The following PTPRD variants were observed in gnomAD, a reference collection of about 807,000 sequenced individuals.
PTPRD encodes the protein protein tyrosine phosphatase receptor type D, also known as receptor-type tyrosine-protein phosphatase delta.
Under a neutral mutation model 214.5 loss-of-function variants are expected in PTPRD, and 34 were observed. The ratio of observed to expected loss-of-function variants is 0.16; its 90% CI spans 0.12 to 0.21. The LOEUF is 0.21. Ranked by LOEUF, PTPRD falls within the 10% of genes least tolerant of loss-of-function variation. PTPRD has a pLI of 1.00. For synonymous variants in PTPRD, 1,128 were observed against 845.7 expected, an observed-to-expected ratio of 1.33 and a Z score of -5.79; for missense variants, 2,545 against 2,398.7, an observed-to-expected ratio of 1.06 and a Z score of -1.27.
intron 5 of PTPRD, among the ~76,000 whole-genome samples, chr9:9,814,333 G>C (rs1479447558): frequency 6.8e-6 from 1 of 147,398 alleles, no homozygotes; most frequent in East Asian, 2.0e-4. Flanking sequence ...ATCCAAATCA[G>C]AAAGGAGGAA....
chr9:10,071,312 T>C (rs2098009939), intron 3 of PTPRD, among the ~76,000 whole-genome samples: 1 of 152,018 alleles, frequency 6.6e-6, no homozygotes, highest in Non-Finnish European at 1.5e-5. Flanking sequence ...GCATAGGATA[T>C]CCAGAACAAT....
chr9:10,119,674 T>C (rs374568504), intron 3 of PTPRD, among the ~76,000 whole-genome samples: 3 of 151,886 alleles, frequency 2.0e-5, no homozygotes, highest in East Asian at 3.8e-4. Context: ...ATGGAAATAA[T>C]AAAATAATTT....
chr9:8,465,762 C>G, intron 31 of PTPRD, 87 bp from the exon 32 acceptor site: 1 of 1,147,518 alleles, frequency 8.7e-7, no homozygotes. Context: ...TAATTCAGAA[C>G]TGGGAACAAC....
chr9:9,701,996 G>C (rs1359369158), intron 7 of PTPRD, among the ~76,000 whole-genome samples: 1 of 152,008 alleles, frequency 6.6e-6, no homozygotes, highest in Non-Finnish European at 1.5e-5. Context: ...GTGCATGCCT[G>C]TATTCCCCAC....
intron 11 of PTPRD, among the ~76,000 whole-genome samples, chr9:8,808,788 T>C (rs868723505): frequency 6.6e-6 from 1 of 152,182 alleles, no homozygotes; most frequent in Non-Finnish European, 1.5e-5. Flanking sequence ...TAGTTCTTCC[T>C]AGGACCCAGA....
chr9:8,790,542 C>A (rs558179574), intron 11 of PTPRD, among the ~76,000 whole-genome samples: 63 of 151,642 alleles, frequency 4.2e-4, no homozygotes, highest in African/African-American at 1.4e-3. Context: ...CTCAGCCTCC[C>A]GAGTAGCTGG....
At chr9:10,586,865 T>C (rs980695830) in intron 2 of PTPRD, among the ~76,000 whole-genome samples, 3 of 151,978 alleles carry the variant, frequency 2.0e-5, no homozygotes, top group Non-Finnish European at 4.4e-5. Flanking sequence ...ATTTTGTAGA[T>C]TTTCCTTTGT....
chr9:8,556,053 T>A (rs1023842654), intron 14 of PTPRD, among the ~76,000 whole-genome samples: 3 of 152,212 alleles, frequency 2.0e-5, no homozygotes, highest in African/African-American at 7.2e-5. Context: ...TGGGAAAACA[T>A]CTGGGCTGTT....
In PTPRD at chr9:9,058,179, T is replaced by C. The variant is rs898573457; in HGVS notation, c.-142-39444A>G. ...AGAATATAAAGAGGGAATTAGGGCT[T>C]GTACTTACGACTAGGTTTTTTAGCA... On this transcript the variant is annotated intron_variant, in intron 10 of 45. Transcript: ENST00000381196. Among the ~76,000 whole-genome samples, 13 of 152,140 alleles carry C rather than the reference T, an allele frequency of 8.5e-5. 1 individual carries two copies. Among genetic ancestry groups the C allele is most frequent in the Non-Finnish European group, 2.9e-5 (2 of 68,030 alleles).
chr9:8,555,685 G>C, intron 14 of PTPRD, among the ~76,000 whole-genome samples: 1 of 152,172 alleles, frequency 6.6e-6, no homozygotes, highest in East Asian at 1.9e-4. Context: ...AACTTAGAAT[G>C]CAGTTTCCTA....
chr9:9,496,787 G>C (rs2096211690), intron 8 of PTPRD, among the ~76,000 whole-genome samples: 1 of 152,170 alleles, frequency 6.6e-6, no homozygotes, highest in African/African-American at 2.4e-5. Flanking sequence ...GGGTCTTGAA[G>C]AGACATTTAT....
chr9:9,583,820 C>G (rs1393538870), intron 7 of PTPRD, among the ~76,000 whole-genome samples: 1 of 152,010 alleles, frequency 6.6e-6, no homozygotes, highest in African/African-American at 2.4e-5. Context: ...TTATGACTAG[C>G]GGGTCCTTAT....
Position 8,486,238 on chromosome 9 carries a change from A to G in PTPRD, c.2579T>C (p.Phe860Ser), listed in dbSNP as rs756125530. The G allele has an allele frequency of 6.2e-7, 1 of 1,614,178 alleles. No individual in the cohort carries two copies. The highest frequency in any genetic ancestry group is 8.5e-7 in the Non-Finnish European group (1 of 1,180,012). ...FGPLQGYRLK[F>S]GRKDMEPLTT... ...AAGTGGCTCCATATCCTTGCGGCCA[A>G]ATTTTAGACGGTAGCCCTGAAGAGG... The change falls in exon 28 of 46, where the codon TTT becomes TCT. Residue 860 changes from phenylalanine (F) to serine (S), a missense_variant. Coordinates refer to ENST00000381196, the MANE Select transcript of PTPRD (RefSeq NM_002839.4).
At chr9:10,375,467 C>T (rs551583492) in intron 2 of PTPRD, among the ~76,000 whole-genome samples, 2 of 152,048 alleles carry the variant, frequency 1.3e-5, no homozygotes, top group South Asian at 4.1e-4. Flanking sequence ...CTCTTTATAG[C>T]AAGTGAGGAG....
chr9:10,361,834 C>A (rs759912806), intron 2 of PTPRD, among the ~76,000 whole-genome samples: 1 of 152,118 alleles, frequency 6.6e-6, no homozygotes, highest in East Asian at 1.9e-4. Flanking sequence ...TACCAATAAA[C>A]TATACTGAGG....
At chr9:9,727,368 T>G (rs2098114127) in intron 7 of PTPRD, among the ~76,000 whole-genome samples, 1 of 152,120 alleles carries the variant, frequency 6.6e-6, no homozygotes, top group Non-Finnish European at 1.5e-5. Context: ...GAGGATCACC[T>G]GAGCCTAGGA....
At chr9:9,793,849 TAA>T (rs1292630275) in intron 5 of PTPRD, among the ~76,000 whole-genome samples, 1 of 152,066 alleles carries the variant, frequency 6.6e-6, no homozygotes, top group East Asian at 1.9e-4. Context: ...ATATTAAAAT[TAA>T]AAAGTTTTGA....
At chr9:8,892,591 ATGTGTATATATATG>A (rs2098549626) in intron 11 of PTPRD, among the ~76,000 whole-genome samples, 1 of 140,188 alleles carries the variant, frequency 7.1e-6, no homozygotes, top group African/African-American at 2.5e-5. Flanking sequence ...GTGTATATAT[ATGTGTATATATATG>A]TGTGTATATA....
chr9:8,842,010 C>CA (rs35878855), intron 11 of PTPRD, among the ~76,000 whole-genome samples: 64,015 of 146,728 alleles, frequency 0.44, 14,930 homozygotes, highest in South Asian at 0.67. Flanking sequence ...GACACAGTCT[C>CA]AAAAAAAAAA....
Sources: allele counts gnomAD v4.1 joint callset (sites outside exome capture counted in the v4.1 genomes callset), GRCh38; gene constraint gnomAD v4.1.1; transcripts MANE v1.5; gene names NCBI Gene and HGNC (gene_info 2026-07-23, HGNC 2026-07-21).